Variants in MYO5B observed in about 807,000 individuals in gnomAD.
MYO5B encodes the protein unconventional myosin-Vb.
Under a neutral mutation model 229.3 loss-of-function variants are expected in MYO5B, and 143 were observed. That is an observed-to-expected ratio of 0.62 (90% CI 0.54 to 0.72). The LOEUF is 0.72. MYO5B is among the 30% of genes least tolerant of loss of function. The probability of loss-of-function intolerance (pLI) is 0.00; values close to 1 mark genes in which losing one functional copy is unlikely to be tolerated. For synonymous variants in MYO5B, 918 were observed against 885.2 expected, an observed-to-expected ratio of 1.04 and a Z score of -0.66; for missense variants, 2,321 against 2,331.0, an observed-to-expected ratio of 1.00 and a Z score of 0.09.
chr18:49,880,397 T>C lies in MYO5B; in HGVS notation c.3104A>G (p.Asn1035Ser). Residue 1035 changes from asparagine (N) to serine (S), a missense_variant, in exon 23 of 40, where the codon AAC (asparagine) becomes AGC (serine). Asn to Ser is a conservative substitution (Grantham distance 46). Transcript: ENST00000285039. ...TTTAGACTGGCACAGGATTTGGTTG[T>C]TGAGCTGTTCTTTCTCATCTTTCAA... ...ALLKDEKEQL[N>S]NQILCQSKDE... 6.2e-7 allele frequency: 1 copy of C among 1,614,180 alleles called. No homozygotes were observed. Among genetic ancestry groups the C allele is most frequent in the Non-Finnish European group, 8.5e-7 (1 of 1,180,010 alleles).
intron 2 of MYO5B, among the ~76,000 whole-genome samples, chr18:50,047,264 C>T (rs1251292870): frequency 1.3e-5 from 2 of 152,084 alleles, no homozygotes; most frequent in African/African-American, 4.8e-5. Flanking sequence ...ACAACCCCAT[C>T]AAAAAGTGGG....
At chr18:49,931,411 C>T (rs898978070) in intron 16 of MYO5B, among the ~76,000 whole-genome samples, 2 of 152,312 alleles carry the variant, frequency 1.3e-5, no homozygotes, top group Middle Eastern at 3.4e-3. Flanking sequence ...AAAATCTTCC[C>T]GACTCCTCCA....
intron 38 of MYO5B, 85 bp downstream of exon 38, chr18:49,836,625 CA>C (rs1389569642): frequency 8.6e-6 from 13 of 1,517,042 alleles, no homozygotes; most frequent in African/African-American, 2.7e-5. Context: ...GCAACACTAA[CA>C]AATAACCACC....
chr18:50,070,417 G>A (rs1222651067), intron 1 of MYO5B, among the ~76,000 whole-genome samples: 1 of 151,844 alleles, frequency 6.6e-6, no homozygotes, highest in Non-Finnish European at 1.5e-5. Context: ...TCTCATCTGG[G>A]GTGGGGGACA....
Position 49,879,006 on chromosome 18 carries a change from T to G in MYO5B, c.3215A>C (p.Lys1072Thr). ...TCTCTGCTCCAACTGTGAATATTCC[T>G]TCACAAGGTTCTGGTACCGGGATCG... ...EERSRYQNLV[K>T]EYSQLEQRYD... The change falls in exon 24 of 40, where the codon AAG becomes ACG. Residue 1072 changes from lysine to threonine, a missense_variant. Lys to Thr is a moderately conservative substitution (Grantham distance 78). Transcript: ENST00000285039. 1 of 1,613,972 alleles carries G rather than the reference T, an allele frequency of 6.2e-7. No individual in the cohort carries two copies. Among genetic ancestry groups the G allele is most frequent in the Non-Finnish European group, 8.5e-7 (1 of 1,179,992 alleles).
At chr18:50,030,213 T>G (rs1313313778) in intron 4 of MYO5B, among the ~76,000 whole-genome samples, 3 of 152,198 alleles carry the variant, frequency 2.0e-5, no homozygotes, top group Admixed American at 2.0e-4. Flanking sequence ...ATTAGGAAGA[T>G]AAAGTTGTCA....
intron 25 of MYO5B, among the ~76,000 whole-genome samples, chr18:49,877,383 T>G (rs1258576545): frequency 6.6e-6 from 1 of 152,226 alleles, no homozygotes; most frequent in East Asian, 1.9e-4. Context: ...TTTATTGATA[T>G]TACTATATGC....
chr18:50,168,496 C>T (rs551467854), intron 1 of MYO5B, among the ~76,000 whole-genome samples: 2 of 152,242 alleles, frequency 1.3e-5, no homozygotes, highest in African/African-American at 4.8e-5. Context: ...TTTTCCAAGG[C>T]TCCTGCTTGC....
intron 1 of MYO5B, among the ~76,000 whole-genome samples, chr18:50,131,074 C>T: frequency 6.6e-6 from 1 of 152,176 alleles, no homozygotes; most frequent in East Asian, 1.9e-4. Context: ...TCAAGTTCTG[C>T]TTAGGTCACA....
Position 49,906,277 on chromosome 18 carries a change from G to A in MYO5B, c.2414+142C>T, listed in dbSNP as rs75424568. 3.9e-3 allele frequency: 3,209 copies of A among 813,744 alleles called. 15 individuals carry two copies. Among genetic ancestry groups the A allele is most frequent in the Non-Finnish European group, 6.0e-3 (2,975 of 495,014 alleles). 50.4% of individuals were successfully genotyped at this position (813,744 alleles called of 1,614,324 possible). ...GATTATAGGGATAGGCCCAGCTGCC[G>A]AGGAAAAGCCAAGATGCAGACATGG... On this transcript the variant is annotated intron_variant, in intron 19 of 39. Transcript: ENST00000285039.
chr18:50,028,725 A>G (rs1459332867), intron 4 of MYO5B, among the ~76,000 whole-genome samples: 1 of 152,152 alleles, frequency 6.6e-6, no homozygotes, highest in East Asian at 1.9e-4. Flanking sequence ...CATCCAAAAG[A>G]CCACTTGCCA....
intron 19 of MYO5B, among the ~76,000 whole-genome samples, 183 bp from the exon 20 acceptor site, chr18:49,905,011 G>A (rs2024884230): frequency 6.6e-6 from 1 of 152,172 alleles, no homozygotes; most frequent in African/African-American, 2.4e-5. Flanking sequence ...TTGACGTTGT[G>A]GCTAGAAAAG....
At chr18:49,835,247 A>T in intron 39 of MYO5B, 97 bp downstream of exon 39, 1 of 866,626 alleles carries the variant, frequency 1.2e-6, no homozygotes, top group Non-Finnish European at 2.0e-6. Context: ...TGTAACCAGT[A>T]TTTTAGTAAT....
chr18:50,104,282 A>ATATATC (rs1310161129), intron 1 of MYO5B, among the ~76,000 whole-genome samples: 2 of 144,558 alleles, frequency 1.4e-5, no homozygotes, highest in African/African-American at 2.6e-5. Flanking sequence ...ATATATATAT[A>ATATATC]TATATATATC....
intron 21 of MYO5B, among the ~76,000 whole-genome samples, chr18:49,901,876 T>C (rs1442590423): frequency 2.0e-5 from 3 of 152,106 alleles, no homozygotes; most frequent in Non-Finnish European, 2.9e-5. Context: ...AAAAGGGGGA[T>C]GGTAATACTT....
chr18:50,176,681 T>C (rs2033001288), intron 1 of MYO5B, among the ~76,000 whole-genome samples: 2 of 152,204 alleles, frequency 1.3e-5, no homozygotes, highest in Non-Finnish European at 2.9e-5. Context: ...AAAACTTCCA[T>C]TCAAAAGTCT....
chr18:50,082,028 T>C (rs1004317157), intron 1 of MYO5B, among the ~76,000 whole-genome samples: 2 of 152,220 alleles, frequency 1.3e-5, no homozygotes, highest in Admixed American at 6.5e-5. Context: ...ATATTAGTAT[T>C]TATACCCATA....
chr18:49,862,962 C>T (rs1480757713), intron 29 of MYO5B, among the ~76,000 whole-genome samples: 1 of 149,376 alleles, frequency 6.7e-6, no homozygotes, highest in Non-Finnish European at 1.5e-5. Context: ...CCTTCCTATT[C>T]CACTCCTGTC....
chr18:50,055,252 C>CCCCCCCCCCCA lies in MYO5B; in HGVS notation c.138+15_138+16insTGGGGGGGGGG. 7.0e-7 allele frequency: 1 copy of CCCCCCCCCCCA among 1,437,316 alleles called. No homozygotes were observed. Among genetic ancestry groups the CCCCCCCCCCCA allele is most frequent in the Non-Finnish European group, 9.8e-7 (1 of 1,023,144 alleles). 89.0% of individuals were successfully genotyped at this position (1,437,316 alleles called of 1,614,324 possible). On this transcript the variant is annotated intron_variant, in intron 2 of 39. Coordinates refer to ENST00000285039, the MANE Select transcript of MYO5B (RefSeq NM_001080467.3). Reference sequence around the variant, plus strand: ...CCCACCTCACCCCCGCCCCCCTGCCCCGGACTCACTCTTACCGTTTCATCC... The same window carrying CCCCCCCCCCCA: ...CCCACCTCACCCCCGCCCCCCTGCCCCCCCCCCCCCACGGACTCACTCTTACCGTTTCATCC...
Sources: gnomAD v4.1 joint callset for allele counts (sites outside exome capture counted in the v4.1 genomes callset) on GRCh38, gnomAD v4.1.1 for gene constraint, MANE v1.5 for transcripts, NCBI Gene and HGNC (gene_info 2026-07-23, HGNC 2026-07-21) for gene names.